Variants in TP73 observed in about 807,000 individuals in gnomAD.
TP73 encodes tumor protein p73, also known as p53-like transcription factor.
In TP73, 25 loss-of-function variants were observed where a neutral mutation model predicts 62.5. That is an observed-to-expected ratio of 0.40 (90% confidence interval 0.29 to 0.56). The LOEUF is 0.56. TP73 is among the 20% of genes least tolerant of loss of function. The pLI, the probability that TP73 is intolerant of heterozygous loss-of-function variation, is 0.46. For synonymous variants in TP73, 423 were observed against 377.5 expected (o/e 1.12, Z -1.40); for missense variants, 754 against 913.3 (o/e 0.83, Z 2.25).
chr1:3,690,230 G>C (rs1190777899), intron 3 of TP73, among the ~76,000 whole-genome samples: 1 of 152,162 alleles, frequency 6.6e-6, no homozygotes, highest in African/African-American at 2.4e-5. Flanking sequence ...TGTCTCCCTC[G>C]GGGGTCTAGG....
chr1:3,693,160 C>A (rs187196469), intron 3 of TP73, among the ~76,000 whole-genome samples: 3 of 152,144 alleles, frequency 2.0e-5, no homozygotes, highest in Non-Finnish European at 4.4e-5. Flanking sequence ...GCTGGGCCAT[C>A]CTAATGGGCG....
intron 3 of TP73, among the ~76,000 whole-genome samples, chr1:3,695,573 C>T (rs779480330): frequency 6.6e-6 from 1 of 152,266 alleles, no homozygotes; most frequent in Non-Finnish European, 1.5e-5. Context: ...GACACCCCCA[C>T]TCCCGTGCGC....
At chr1:3,711,497 T>C (rs2124420053) in intron 4 of TP73, among the ~76,000 whole-genome samples, 1 of 152,384 alleles carries the variant, frequency 6.6e-6, no homozygotes, top group African/African-American at 2.4e-5. Flanking sequence ...CATCGGATGC[T>C]GTGACACCCC....
At position 3,655,153 on chromosome 1, in the gene TP73, G is replaced by A. The variant is rs562764541; in HGVS notation, c.-34+2512G>A. Among the ~76,000 whole-genome samples the A allele has an allele frequency of 2.6e-5, 4 of 152,326 alleles. 1 individual carries two copies. In the South Asian group the frequency reaches 6.2e-4, roughly 24 times the overall value. On this transcript the variant is annotated intron_variant, in intron 1 of 13. Transcript: ENST00000378295. ...TGTAATCTCAGCCCTTTGGGAGGCC[G>A]AGGTGGGTGGATCACTTGAGATCAG...
intron 6 of TP73, 98 bp from the exon 7 acceptor site, chr1:3,727,017 C>A: frequency 1.0e-6 from 1 of 1,001,070 alleles, no homozygotes; most frequent in Non-Finnish European, 1.5e-6. Context: ...CCCCTGCCTA[C>A]GTGGAGCCAG....
At chr1:3,654,498 A>G (rs1644825350) in intron 1 of TP73, among the ~76,000 whole-genome samples, 1 of 152,250 alleles carries the variant, frequency 6.6e-6, no homozygotes, top group Non-Finnish European at 1.5e-5. Context: ...CCAGCAAGTC[A>G]CTTAACCACT....
chr1:3,693,132 C>T (rs1410903699), intron 3 of TP73, among the ~76,000 whole-genome samples: 3 of 151,896 alleles, frequency 2.0e-5, no homozygotes, highest in Non-Finnish European at 4.4e-5. Context: ...TCTTCCCTCT[C>T]GGGGGGAGGT....
chr1:3,684,305 C>G (rs772173716), intron 3 of TP73, among the ~76,000 whole-genome samples: 7 of 152,196 alleles, frequency 4.6e-5, no homozygotes, highest in Admixed American at 2.6e-4. Context: ...TGGGGATACG[C>G]GGAACAGCGC....
At chr1:3,682,986 C>T (rs1382161607) in intron 2 of TP73, 74 bp from the exon 3 acceptor site, 9 of 1,536,282 alleles carry the variant, frequency 5.9e-6, no homozygotes, top group South Asian at 1.2e-5. Context: ...TAGCCTTGAG[C>T]TCTGGGCCTG....
intron 13 of TP73, among the ~76,000 whole-genome samples, chr1:3,732,076 G>A (rs1471413623): frequency 6.6e-6 from 1 of 152,204 alleles, no homozygotes; most frequent in Admixed American, 6.5e-5. Context: ...TACAAAGCCT[G>A]CTGGTAGCCT....
At chr1:3,683,295 C>G (rs1645568816) in intron 3 of TP73, 115 bp downstream of exon 3, 9 of 1,351,646 alleles carry the variant, frequency 6.7e-6, no homozygotes, top group Non-Finnish European at 8.9e-6. Flanking sequence ...GTACAGCTTC[C>G]CCTGTGGGTT....
chr1:3,678,463 C>T (rs1237688957), intron 1 of TP73, among the ~76,000 whole-genome samples: 1 of 152,230 alleles, frequency 6.6e-6, no homozygotes, highest in African/African-American at 2.4e-5. Context: ...GGGGGAGCCC[C>T]TGCCTGGCGC....
chr1:3,667,749 C>CAAA (rs543070938), intron 1 of TP73, among the ~76,000 whole-genome samples: 3 of 85,468 alleles, frequency 3.5e-5, no homozygotes, highest in African/African-American at 6.8e-5. Context: ...GATTCTGTCT[C>CAAA]AAAAAAAAAA....
intron 3 of TP73, among the ~76,000 whole-genome samples, chr1:3,689,086 G>C (rs1645740565): frequency 6.6e-6 from 1 of 152,084 alleles, no homozygotes; most frequent in Non-Finnish European, 1.5e-5. Flanking sequence ...CATCCCTGGG[G>C]AGCCCGCCCC....
chr1:3,709,466 C>T (rs947577789), intron 4 of TP73, among the ~76,000 whole-genome samples: 12 of 152,214 alleles, frequency 7.9e-5, no homozygotes, highest in Admixed American at 2.0e-4. Context: ...GTGCTTAGCT[C>T]GCAGCAGGAG....
Position 3,731,767 on chromosome 1 carries a change from C to T in TP73, c.1578+211C>T, listed in dbSNP as rs539403805. Among the ~76,000 whole-genome samples the T allele has an allele frequency of 1.1e-4, 16 of 152,344 alleles. No individual in the cohort carries two copies. In the East Asian group the frequency reaches 1.7e-3, roughly 17 times the overall value. ...GGCGCGGGACACAGGCCCAGGCCTC[C>T]GGATGCTGAACTGGTCATTTGAGCC... is the stretch of plus-strand genomic sequence containing the variant. On this transcript the variant is annotated intron_variant, in intron 13 of 13. Coordinates refer to ENST00000378295, the MANE Select transcript of TP73 (RefSeq NM_005427.4).
At chr1:3,719,603 C>G (rs922385710) in intron 4 of TP73, among the ~76,000 whole-genome samples, 1 of 152,234 alleles carries the variant, frequency 6.6e-6, no homozygotes, top group African/African-American at 2.4e-5. Flanking sequence ...CCTGAGGGTC[C>G]GAGTCCCAGA....
intron 3 of TP73, chr1:3,691,002 G>A: frequency 6.4e-7 from 1 of 1,552,380 alleles, no homozygotes; most frequent in Non-Finnish European, 8.7e-7. Flanking sequence ...GGATTTTGCT[G>A]CAGTGTAGGG....
At chr1:3,729,507 GGA>G (rs1303170840) in intron 10 of TP73, 59 bp downstream of exon 10, 96 of 1,608,656 alleles carry the variant, frequency 6.0e-5, no homozygotes, top group Non-Finnish European at 8.1e-5. Flanking sequence ...TAACCCCCCA[GGA>G]GAAGGCCAGG....
Sources: allele counts gnomAD v4.1 joint callset (sites outside exome capture counted in the v4.1 genomes callset), GRCh38; gene constraint gnomAD v4.1.1; transcripts MANE v1.5; gene names NCBI Gene and HGNC (gene_info 2026-07-23, HGNC 2026-07-21).